LPP: variants seen among roughly 807,000 people sequenced by gnomAD.
The protein encoded by LPP is LIM domain containing preferred translocation partner in lipoma.
LPP carries 38 observed loss-of-function variants against 60.4 expected under a neutral mutation model. The observed-to-expected ratio is 0.63, with a 90% CI of 0.49 to 0.83. The LOEUF (loss-of-function observed/expected upper bound fraction) is 0.83. Among genes scored for constraint, LPP ranks in the 40% least tolerant of loss-of-function variants. LPP has a pLI of 0.00. For missense variants in LPP, 902 were observed against 783.6 expected, an observed-to-expected ratio of 1.15 and a Z score of -1.80; for synonymous variants, 328 against 290.8, an observed-to-expected ratio of 1.13 and a Z score of -1.30.
In LPP at chr3:188,862,712, C is replaced by CAAAAAA. The variant is rs140751676; in HGVS notation, c.1411-3486_1411-3481dup. Reference sequence around the variant, plus strand: ...TATCAATGCTGGCAACCCTACTAGACAAAAAAATAAATAAATAAATAAATA... The same window carrying CAAAAAA: ...TATCAATGCTGGCAACCCTACTAGACAAAAAAAAAAAAATAAATAAATAAATAAATA... On this transcript the variant is annotated intron_variant, in intron 9 of 11. Coordinates refer to ENST00000617246, the MANE Select transcript of LPP (RefSeq NM_001375462.1). Among the ~76,000 whole-genome samples, 85 of 55,330 alleles carry CAAAAAA rather than the reference C, an allele frequency of 1.5e-3. 2 individuals carry two copies. Among genetic ancestry groups the CAAAAAA allele is most frequent in the East Asian group, 8.9e-3 (6 of 676 alleles). The allele number at this position is 55,330 out of a possible 152,430, so 36.3% of individuals were successfully genotyped here. A position where few individuals can be genotyped will look rare whatever the true frequency, so the allele number is the denominator to read the frequency against.
In LPP at chr3:188,371,896, G is replaced by C. The variant is rs545824715; in HGVS notation, c.-10+30177G>C. Among the ~76,000 whole-genome samples the C allele has an allele frequency of 2.0e-5, 3 of 151,358 alleles. No homozygotes were observed. The East Asian group carries it at 5.9e-4, about 30-fold the overall frequency. On this transcript the variant is annotated intron_variant, in intron 3 of 11. Coordinates refer to ENST00000617246, the MANE Select transcript of LPP (RefSeq NM_001375462.1). Reference sequence around the variant, plus strand: ...TGGTCTTGAACTCCTGACCTCAAGTGATCCGCCCGTCTTGGCTTCCCAAAC... The same window carrying C: ...TGGTCTTGAACTCCTGACCTCAAGTCATCCGCCCGTCTTGGCTTCCCAAAC...
intron 3 of LPP, among the ~76,000 whole-genome samples, chr3:188,368,705 CACACACACACACACAG>C (rs1772005949): frequency 8.2e-6 from 1 of 122,470 alleles, no homozygotes; most frequent in African/African-American, 2.8e-5. Flanking sequence ...CACACACACA[CACACACACACACACAG>C]AGAGAGAGAG....
chr3:188,457,798 A>G (rs998673819), intron 4 of LPP, among the ~76,000 whole-genome samples: 1 of 151,334 alleles, frequency 6.6e-6, no homozygotes, highest in Non-Finnish European at 1.5e-5. Context: ...ATTCCCAGCT[A>G]CCTGGGAGGC....
intron 4 of LPP, among the ~76,000 whole-genome samples, chr3:188,411,604 A>G (rs926711048): frequency 6.6e-6 from 1 of 152,158 alleles, no homozygotes; most frequent in Non-Finnish European, 1.5e-5. Context: ...AAGATAATGC[A>G]ATTTTTCTTC....
At chr3:188,430,914 T>C (rs1413296020) in intron 4 of LPP, among the ~76,000 whole-genome samples, 2 of 152,136 alleles carry the variant, frequency 1.3e-5, no homozygotes, top group South Asian at 2.1e-4. Context: ...ATTACATAAT[T>C]AACTTTTTTT....
chr3:188,581,454 T>G (rs2150984352), intron 6 of LPP, among the ~76,000 whole-genome samples: 1 of 152,248 alleles, frequency 6.6e-6, no homozygotes, highest in Non-Finnish European at 1.5e-5. Flanking sequence ...AACTTGCAAT[T>G]TAGTACTGTT....
chr3:188,375,680 A>C (rs557456309), intron 3 of LPP, among the ~76,000 whole-genome samples: 3 of 151,722 alleles, frequency 2.0e-5, no homozygotes, highest in African/African-American at 7.2e-5. Context: ...TAATTTTTTG[A>C]AGGGTTTTTT....
intron 4 of LPP, among the ~76,000 whole-genome samples, chr3:188,419,976 A>G (rs1026316129): frequency 2.3e-4 from 35 of 152,192 alleles, no homozygotes; most frequent in Non-Finnish European, 5.1e-4. Context: ...AAGTTAAGTC[A>G]TGACAAAATA....
intron 8 of LPP, among the ~76,000 whole-genome samples, chr3:188,753,999 A>C (rs530091816): frequency 2.0e-5 from 3 of 152,360 alleles, no homozygotes; most frequent in South Asian, 2.1e-4. Context: ...GGCAATAACC[A>C]TAGGAGATTG....
intron 1 of LPP, among the ~76,000 whole-genome samples, chr3:188,200,074 T>C (rs993908560): frequency 2.0e-5 from 3 of 152,114 alleles, no homozygotes; most frequent in Admixed American, 1.3e-4. Flanking sequence ...CTTTTAGATA[T>C]AGACAGACAT....
intron 9 of LPP, among the ~76,000 whole-genome samples, chr3:188,789,467 C>T (rs1156577668): frequency 6.6e-6 from 1 of 152,316 alleles, no homozygotes; most frequent in East Asian, 1.9e-4. Flanking sequence ...TACTTTATGA[C>T]AGTAAGCACT....
At chr3:188,577,811 T>G (rs1266881023) in intron 6 of LPP, among the ~76,000 whole-genome samples, 1 of 78,586 alleles carries the variant, frequency 1.3e-5, no homozygotes, top group Non-Finnish European at 2.4e-5. Context: ...CCCTCCTTCC[T>G]CCCCTCCCCT....
At chr3:188,655,505 A>G (rs966939228) in intron 7 of LPP, among the ~76,000 whole-genome samples, 4 of 152,194 alleles carry the variant, frequency 2.6e-5, no homozygotes, top group African/African-American at 9.7e-5. Flanking sequence ...TGGGTAGAAG[A>G]TGCATGGAAG....
At chr3:188,523,479 G>C (rs1410076022) in intron 5 of LPP, among the ~76,000 whole-genome samples, 3 of 152,156 alleles carry the variant, frequency 2.0e-5, no homozygotes, top group Non-Finnish European at 2.9e-5. Context: ...AGGGCATACG[G>C]AACTAGTGGT....
intron 7 of LPP, among the ~76,000 whole-genome samples, chr3:188,671,636 G>A (rs2149261527): frequency 6.6e-6 from 1 of 152,180 alleles, no homozygotes; most frequent in African/African-American, 2.4e-5. Context: ...GATAATCAAG[G>A]GGCAGTTGCC....
At chr3:188,513,783 C>G (rs560129191) in intron 5 of LPP, among the ~76,000 whole-genome samples, 1 of 151,918 alleles carries the variant, frequency 6.6e-6, no homozygotes, top group Admixed American at 6.6e-5. Flanking sequence ...TTGTGTATAC[C>G]CAAGTTCAGA....
chr3:188,882,528 T>G lies in LPP; in HGVS notation c.*8049T>G, dbSNP rs1770158140. 6 of 224,066 alleles carry G rather than the reference T, an allele frequency of 2.7e-5. No homozygotes were observed. The East Asian group carries it at 3.9e-4, about 15-fold the overall frequency. 13.9% of individuals were successfully genotyped at this position (224,066 alleles called of 1,614,324 possible). A position where few individuals can be genotyped will look rare whatever the true frequency, so the allele number is the denominator to read the frequency against. ...GGACAGGAAGCAGCCCTCCATGAAC[T>G]TTATTATCACAGAATATGAGCATTC... On this transcript the variant is annotated 3_prime_UTR_variant, in exon 12 of 12. Coordinates refer to ENST00000617246, the MANE Select transcript of LPP (RefSeq NM_001375462.1).
At position 188,551,750 on chromosome 3, in the gene LPP, C is replaced by A. The variant is rs75154594; in HGVS notation, c.429+26963C>A. On this transcript the variant is annotated intron_variant, in intron 6 of 11. Transcript: ENST00000617246. ...GTGACAGCTACTGACGAGTCACTTT[C>A]TGCCATAGAGATCAATTTTCCATTG... Among the ~76,000 whole-genome samples, 123 of 152,280 alleles carry A rather than the reference C, an allele frequency of 8.1e-4. 1 individual carries two copies. The highest frequency in any genetic ancestry group is 2.7e-3 in the African/African-American group (114 of 41,554).
intron 6 of LPP, among the ~76,000 whole-genome samples, chr3:188,580,667 T>C (rs1049556996): frequency 6.6e-6 from 1 of 152,192 alleles, no homozygotes; most frequent in Non-Finnish European, 1.5e-5. Flanking sequence ...GCACCCCTTA[T>C]GAATGGTTTG....
Sources: allele counts gnomAD v4.1 joint callset (sites outside exome capture counted in the v4.1 genomes callset), GRCh38; gene constraint gnomAD v4.1.1; transcripts MANE v1.5; gene names NCBI Gene and HGNC (gene_info 2026-07-23, HGNC 2026-07-21).